Variants in CUBN observed in about 807,000 individuals in gnomAD.
CUBN encodes 460 kDa receptor.
CUBN carries 282 observed loss-of-function variants against 405.3 expected under a neutral mutation model. That is an observed-to-expected ratio of 0.70 (90% confidence interval 0.63 to 0.77). CUBN has a LOEUF of 0.77. Ranked by LOEUF, CUBN falls within the 30% of genes least tolerant of loss-of-function variation. The pLI is 0.00. For synonymous variants in CUBN, 1,684 were observed against 1,617.0 expected (o/e 1.04, Z -0.99); for missense variants, 4,514 against 4,475.2 (o/e 1.01, Z -0.25).
rs746605052 is a variant in CUBN at position 16,947,227 on chromosome 10, G to T, written c.5342+8C>A. On this transcript the variant is annotated splice_region_variant and intron_variant, in intron 36 of 66. Transcript: ENST00000377833. ...CACTGAAACAATACACCATAAAAAA[G>T]GATTTACATAAAAGACAGCTGGAGC... The T allele has an allele frequency of 1.9e-6, 3 of 1,613,886 alleles. No individual in the cohort carries two copies. The Admixed American group carries it at 5.0e-5, about 27-fold the overall frequency.
At chr10:16,934,518 G>A (rs1473036556) in intron 39 of CUBN, among the ~76,000 whole-genome samples, 2 of 152,198 alleles carry the variant, frequency 1.3e-5, no homozygotes, top group Middle Eastern at 6.8e-3. Context: ...ATGTTATCCA[G>A]TATCTTCAAA....
intron 22 of CUBN, among the ~76,000 whole-genome samples, chr10:17,057,860 C>T (rs538506693): frequency 2.0e-5 from 3 of 152,088 alleles, no homozygotes; most frequent in East Asian, 1.9e-4. Flanking sequence ...CGGTGGCTCA[C>T]GCCTGTAATC....
At chr10:17,046,196 A>T (rs1467166489) in intron 23 of CUBN, 102 bp from the exon 24 acceptor site, 2 of 1,037,718 alleles carry the variant, frequency 1.9e-6, no homozygotes, top group Non-Finnish European at 2.9e-6. Context: ...TTAGCAGTTT[A>T]TTGGATGAAG....
chr10:16,840,684 A>G, intron 61 of CUBN, 149 bp from the exon 62 acceptor site: 2 of 884,806 alleles, frequency 2.3e-6, no homozygotes, highest in Non-Finnish European at 3.6e-6. Flanking sequence ...ATCCTTGACT[A>G]AAGATTGTAT....
At chr10:16,847,886 A>G (rs548097119) in intron 60 of CUBN, among the ~76,000 whole-genome samples, 1 of 143,918 alleles carries the variant, frequency 6.9e-6, no homozygotes, top group Admixed American at 6.8e-5. Context: ...ATTTGATTAT[A>G]ATCTCTAAAA....
Position 16,924,031 on chromosome 10 carries a change from G to T in CUBN, c.6646+1210C>A. Among the ~76,000 whole-genome samples the T allele has an allele frequency of 2.0e-5, 3 of 152,198 alleles. 1 individual carries two copies. Among genetic ancestry groups the T allele is most frequent in the Admixed American group, 2.0e-4 (3 of 15,290 alleles). ...GGTTGCAGTAGGCTGAGATCATGCC[G>T]CTGTACTCTAGCCTGGGCGACAGAG... On this transcript the variant is annotated intron_variant, in intron 43 of 66. Coordinates refer to ENST00000377833, the MANE Select transcript of CUBN (RefSeq NM_001081.4).
At chr10:17,090,605 A>T (rs1836233434) in intron 14 of CUBN, among the ~76,000 whole-genome samples, 1 of 152,264 alleles carries the variant, frequency 6.6e-6, no homozygotes, top group South Asian at 2.1e-4. Flanking sequence ...AAGGGACCTT[A>T]AACACTGTAA....
chr10:17,003,490 CAAT>C (rs1217363611), intron 28 of CUBN, among the ~76,000 whole-genome samples: 1 of 151,948 alleles, frequency 6.6e-6, no homozygotes, highest in Admixed American at 6.6e-5. Context: ...CAAGGACACA[CAAT>C]AATAAAAATT....
intron 10 of CUBN, among the ~76,000 whole-genome samples, chr10:17,107,622 C>A (rs201366072): frequency 6.6e-6 from 1 of 151,484 alleles, no homozygotes; most frequent in South Asian, 2.1e-4. Flanking sequence ...CTCAGCCTCC[C>A]GAGTAGCTGG....
rs1031376559 is a variant in CUBN at position 16,937,755 on chromosome 10, G to T, written c.5763C>A (p.Arg1921=). Residue 1921 remains arginine (R), a synonymous_variant, in exon 39 of 67, where the codon CGC becomes CGA. Coordinates refer to ENST00000377833, the MANE Select transcript of CUBN (RefSeq NM_001081.4). ...RIYDGPSIHA[R]LIGAYCGTQT... is the part of the protein sequence containing the mutation. ...GGGTACCACAGTAAGCTCCAATTAG[G>T]CGGGCGTGAATGCTAGGCCCATCAT... 1 of 1,614,046 alleles carries T rather than the reference G, an allele frequency of 6.2e-7. No homozygotes were observed. The highest frequency in any genetic ancestry group is 1.3e-5 in the African/African-American group (1 of 75,006).
At chr10:17,029,890 C>T (rs1186667686) in intron 27 of CUBN, among the ~76,000 whole-genome samples, 1 of 152,222 alleles carries the variant, frequency 6.6e-6, no homozygotes, top group African/African-American at 2.4e-5. Context: ...GCTTTCAACA[C>T]AGTGGGGCCA....
At chr10:16,851,945 CATCTTTCCCTCCCTCA>C (rs1839710236) in intron 59 of CUBN, among the ~76,000 whole-genome samples, 3 of 103,078 alleles carry the variant, frequency 2.9e-5, no homozygotes, top group Admixed American at 2.8e-4. Context: ...TCCCTCCCTC[CATCTTTCCCTCCCTCA>C]ATCTTTCCCT....
chr10:17,088,237 T>C lies in CUBN; in HGVS notation c.1874A>G (p.Asp625Gly). ...DCVWIVVTSP[D>G]LLVTFTFGTL... Reference sequence around the variant, plus strand: ...CCCAAAAGTAAATGTTACCAGGAGGTCAGGACTAGTTACAACAATCCAGAC... The same window carrying C: ...CCCAAAAGTAAATGTTACCAGGAGGCCAGGACTAGTTACAACAATCCAGAC... Residue 625 changes from aspartate (D) to glycine (G), a missense_variant, in exon 15 of 67, where the codon GAC (aspartate) becomes GGC (glycine). Physicochemically the swap from Asp to Gly is moderately conservative, Grantham distance 94 (BLOSUM62 -1). This residue lies in a region of CUBN where 1,448 missense variants were observed against 1,388.0 expected (regional missense o/e 1.04). Coordinates refer to ENST00000377833, the MANE Select transcript of CUBN (RefSeq NM_001081.4). The C allele has an allele frequency of 6.2e-7, 1 of 1,613,622 alleles. No individual in the cohort carries two copies. Among genetic ancestry groups the C allele is most frequent in the Non-Finnish European group, 8.5e-7 (1 of 1,179,698 alleles).
At chr10:16,831,913 T>C (rs1839012189) in intron 64 of CUBN, among the ~76,000 whole-genome samples, 1 of 152,142 alleles carries the variant, frequency 6.6e-6, no homozygotes, top group South Asian at 2.1e-4. Flanking sequence ...TATGAAAAAA[T>C]ACAATGCAAA....
chr10:17,087,472 C>CTTTTTTT (rs775573918), intron 15 of CUBN, among the ~76,000 whole-genome samples: 6,012 of 71,534 alleles, frequency 0.084, 777 homozygotes, highest in African/African-American at 0.1. Flanking sequence ...TTTTCTTTTT[C>CTTTTTTT]TTTTTTTTTT....
chr10:17,061,062 A>G (rs112648543), intron 22 of CUBN, among the ~76,000 whole-genome samples: 4,331 of 152,000 alleles, frequency 0.028, 207 homozygotes, highest in African/African-American at 0.1. Context: ...AAAACAAACC[A>G]ACAAACAACA....
At chr10:17,078,177 G>A (rs954865901) in intron 17 of CUBN, among the ~76,000 whole-genome samples, 3 of 152,060 alleles carry the variant, frequency 2.0e-5, no homozygotes, top group Non-Finnish European at 4.4e-5. Flanking sequence ...GTTTGTCCTT[G>A]CATATAGAAT....
At chr10:17,076,741 CA>C (rs1835863609) in intron 17 of CUBN, among the ~76,000 whole-genome samples, 1 of 152,134 alleles carries the variant, frequency 6.6e-6, no homozygotes, top group South Asian at 2.1e-4. Flanking sequence ...CTTTGGAAGT[CA>C]CTGCATAATT....
chr10:16,929,155 G>C (rs1842296875), intron 40 of CUBN, among the ~76,000 whole-genome samples: 1 of 152,004 alleles, frequency 6.6e-6, no homozygotes, highest in South Asian at 2.1e-4. Flanking sequence ...CATTGCTTTT[G>C]TTTGTTTTGG....
Sources: allele counts gnomAD v4.1 joint callset (sites outside exome capture counted in the v4.1 genomes callset), GRCh38; gene constraint gnomAD v4.1.1; regional missense constraint gnomAD v4.1.1; transcripts MANE v1.5; gene names NCBI Gene and HGNC (gene_info 2026-07-23, HGNC 2026-07-21).